Variants in ADGRG1 observed in about 807,000 individuals in gnomAD.
ADGRG1 encodes the protein 7-transmembrane protein with no EGF-like N-terminal domains-1.
ADGRG1 carries 53 observed loss-of-function variants against 73.5 expected under a neutral mutation model. The observed-to-expected ratio is 0.72, with a 90% CI of 0.58 to 0.91. The LOEUF is 0.91. ADGRG1 is among the 40% of genes least tolerant of loss of function. ADGRG1 has a pLI of 0.00. For missense variants in ADGRG1, 795 were observed against 871.8 expected, an observed-to-expected ratio of 0.91 and a Z score of 1.11; for synonymous variants, 394 against 374.4, an observed-to-expected ratio of 1.05 and a Z score of -0.60.
chr16:57,660,606 G>A, intron 11 of ADGRG1, 162 bp from the exon 12 acceptor site: 1 of 939,296 alleles, frequency 1.1e-6, no homozygotes, highest in Non-Finnish European at 1.3e-6. Context: ...TGGGGAGGGG[G>A]AGGGTCCAAA....
intron 9 of ADGRG1, 105 bp downstream of exon 9, chr16:57,656,722 C>A: frequency 1.3e-6 from 1 of 794,690 alleles, no homozygotes. Context: ...AACAGCTCTC[C>A]AAGGTAGCTT....
At chr16:57,622,326 G>A (rs111952819) in intron 2 of ADGRG1, among the ~76,000 whole-genome samples, 6,330 of 152,244 alleles carry the variant, frequency 0.042, 180 homozygotes, top group Non-Finnish European at 0.061. Context: ...GGGTGATGCT[G>A]GGTGGCGTCT....
chr16:57,623,570 C>T (rs905560291), upstream of ADGRG1, among the ~76,000 whole-genome samples: 3 of 152,222 alleles, frequency 2.0e-5, no homozygotes, highest in Admixed American at 6.5e-5. Context: ...AGATTTGTCC[C>T]GTTTTAGCGA....
chr16:57,642,400 T>C (rs2041070270), intron 1 of ADGRG1: 1 of 985,266 alleles, frequency 1.0e-6, no homozygotes, highest in South Asian at 4.7e-5. Context: ...CTAATGACCT[T>C]TGGGACAGCT....
upstream of ADGRG1, chr16:57,624,140 G>A (rs1376295891): frequency 4.2e-6 from 4 of 944,616 alleles, no homozygotes; most frequent in African/African-American, 7.1e-5. Flanking sequence ...TGTGCTCAAT[G>A]ATTTATATGG....
At chr16:57,663,352 G>A (rs1394971680) in intron 13 of ADGRG1, 100 bp from the exon 14 acceptor site, 1 of 1,563,650 alleles carries the variant, frequency 6.4e-7, no homozygotes, top group Non-Finnish European at 8.6e-7. Flanking sequence ...AAACACTATG[G>A]AGAGGTGGGG....
At chr16:57,621,856 G>T in intron 2 of ADGRG1, 1 of 985,360 alleles carries the variant, frequency 1.0e-6, no homozygotes, top group Non-Finnish European at 1.2e-6. Context: ...GTAAGGGGAT[G>T]CTGGTGACCC....
rs576342062 is a variant in ADGRG1 at position 57,665,355 on chromosome 16, C to T, written c.*1773C>T. The T allele has an allele frequency of 1.3e-5, 2 of 152,332 alleles. No homozygotes were observed. Among genetic ancestry groups the T allele is most frequent in the African/African-American group, 4.8e-5 (2 of 41,566 alleles). The allele number at this position is 152,332 out of a possible 1,614,324, so 9.4% of individuals were successfully genotyped here. ...TCACTACCTTGCAGGGATGAGGGCC[C>T]ATGTAGCCAGACCACCTGCCTTTTA... is the stretch of plus-strand genomic sequence containing the variant. On this transcript the variant is annotated 3_prime_UTR_variant, in exon 14 of 14. Coordinates refer to ENST00000562631, the MANE Select transcript of ADGRG1 (RefSeq NM_201525.4).
At position 57,653,021 on chromosome 16, in the gene ADGRG1, C is replaced by T. The variant is rs567151239; in HGVS notation, c.488-182C>T. 96 of 1,462,102 alleles carry T rather than the reference C, an allele frequency of 6.6e-5. 1 individual carries two copies. The highest frequency in any genetic ancestry group is 1.1e-4 in the South Asian group (8 of 72,302). The allele number at this position is 1,462,102 out of a possible 1,614,324, so 90.6% of individuals were successfully genotyped here. On this transcript the variant is annotated intron_variant, in intron 3 of 13. Transcript: ENST00000562631. Reference sequence around the variant, plus strand: ...CGGGTTCTGTAAGACACAACCCCCACGGGTTGGCCTCATCTGAGTGGCCTT... The same window carrying T: ...CGGGTTCTGTAAGACACAACCCCCATGGGTTGGCCTCATCTGAGTGGCCTT...
At chr16:57,644,532 C>A (rs1027248650) in intron 1 of ADGRG1, among the ~76,000 whole-genome samples, 5 of 137,596 alleles carry the variant, frequency 3.6e-5, no homozygotes, top group Non-Finnish European at 4.6e-5. Context: ...TCATCACACA[C>A]ATGCGCAGGC....
intron 1 of ADGRG1, chr16:57,645,251 T>C (rs1386824350): frequency 1.0e-6 from 1 of 985,286 alleles, no homozygotes; most frequent in African/African-American, 1.7e-5. Flanking sequence ...GGTCTTCCCC[T>C]CTGCCTCTCC....
chr16:57,659,443 G>A lies in ADGRG1; in HGVS notation c.1317G>A (p.Val439=), dbSNP rs1445486696. 2 of 1,613,846 alleles carry A rather than the reference G, an allele frequency of 1.2e-6. No homozygotes were observed. The highest frequency in any genetic ancestry group is 3.3e-5 in the Admixed American group (2 of 60,032). The change falls in exon 11 of 14, where the codon GTG becomes GTA. Residue 439 remains valine (V), a synonymous_variant. Transcript: ENST00000562631. ...RRKPRDYTIK[V]HMNLLLAVFL... is the part of the protein sequence containing the mutation. ...AACCTCGGGACTACACCATCAAGGT[G>A]CACATGAACCTGCTGCTGGCCGTCT...
rs753007131 is a variant in ADGRG1 at position 57,663,564 on chromosome 16, C to T, written c.2046C>T (p.Thr682=). 6.2e-7 allele frequency: 1 copy of T among 1,613,558 alleles called. No homozygotes were observed. Among genetic ancestry groups the T allele is most frequent in the South Asian group, 1.1e-5 (1 of 91,086 alleles). ...GGCTCCCCATCAGCTCGGGCAGCAC[C>T]TCGTCCAGCCGCATCTAGGCCTCCA... is the stretch of plus-strand genomic sequence containing the variant. ...SARLPISSGS[T]SSSRI is the part of the protein sequence containing the mutation. The change falls in exon 14 of 14, where the codon ACC becomes ACT. Residue 682 remains threonine (T), a synonymous_variant. Coordinates refer to ENST00000562631, the MANE Select transcript of ADGRG1 (RefSeq NM_201525.4).
At position 57,645,438 on chromosome 16, in the gene ADGRG1, C is replaced by T. The variant is rs552282335; in HGVS notation, c.-35-4815C>T. 1.4e-5 allele frequency: 8 copies of T among 582,164 alleles called. No individual in the cohort carries two copies. The East Asian group carries it at 4.3e-4, about 31-fold the overall frequency. The allele number at this position is 582,164 out of a possible 1,614,324, so 36.1% of individuals were successfully genotyped here. On this transcript the variant is annotated intron_variant, in intron 1 of 13. Coordinates refer to ENST00000562631, the MANE Select transcript of ADGRG1 (RefSeq NM_201525.4). ...TTTCAGGAAGCCCCTTCCAGGGCCC[C>T]GCTAAATGCTGGGGGAGCCACAGAG... is the stretch of plus-strand genomic sequence containing the variant.
chr16:57,628,122 C>A (rs2036235057), upstream of ADGRG1: 1 of 931,946 alleles, frequency 1.1e-6, no homozygotes, highest in African/African-American at 2.4e-5. Context: ...GGCCTCCTGC[C>A]CGGCTGCCTG....
intron 1 of ADGRG1, chr16:57,639,282 GTC>G (rs1410010212): frequency 2.0e-6 from 2 of 985,520 alleles, no homozygotes; most frequent in Non-Finnish European, 2.4e-6. Flanking sequence ...CCTGGGCAGC[GTC>G]TGAGTTGAGG....
chr16:57,630,970 T>TG (rs1338037120), intron 1 of ADGRG1: 20 of 983,826 alleles, frequency 2.0e-5, no homozygotes, highest in Middle Eastern at 5.2e-4. Context: ...ATCTGCTCTG[T>TG]GGGGGGGAAG....
In ADGRG1 at chr16:57,659,497, C is replaced by T. The variant is rs747812668; in HGVS notation, c.1371C>T (p.Ser457=). The T allele has an allele frequency of 2.9e-5, 46 of 1,613,382 alleles. No individual in the cohort carries two copies. The highest frequency in any genetic ancestry group is 2.7e-4 in the African/African-American group (20 of 75,038). ...TGCTGGACACGAGCTTCCTGCTCAG[C>T]GAGCCGGTGGCCCTGACAGGCTCTG... is the stretch of plus-strand genomic sequence containing the variant. The part of the protein sequence containing the change: ...VFLLDTSFLL[S]EPVALTGSEA... The change falls in exon 11 of 14, where the codon AGC becomes AGT. Residue 457 remains serine, a synonymous_variant. Coordinates refer to ENST00000562631, the MANE Select transcript of ADGRG1 (RefSeq NM_201525.4).
intron 11 of ADGRG1, chr16:57,660,378 C>G: frequency 1.0e-6 from 1 of 985,174 alleles, no homozygotes; most frequent in African/African-American, 1.7e-5. Flanking sequence ...AGCTTCTAAT[C>G]TCCACCGAAC....
Sources: allele counts gnomAD v4.1 joint callset (sites outside exome capture counted in the v4.1 genomes callset), GRCh38; gene constraint gnomAD v4.1.1; transcripts MANE v1.5; gene names NCBI Gene and HGNC (gene_info 2026-07-23, HGNC 2026-07-21).